Variants in NDUFV2 observed in about 807,000 individuals in gnomAD.
NDUFV2 encodes NADH:ubiquinone oxidoreductase core subunit V2, also known as NADH dehydrogenase [ubiquinone] flavoprotein 2, mitochondrial.
A neutral mutation model predicts 31.6 loss-of-function variants in NDUFV2; 18 were observed. The ratio of observed to expected loss-of-function variants is 0.57; its 90% CI spans 0.39 to 0.84. The LOEUF is 0.84. Ranked by LOEUF, NDUFV2 falls within the 40% of genes least tolerant of loss-of-function variation. The probability of loss-of-function intolerance (pLI) is 0.00; values close to 1 mark genes in which losing one functional copy is unlikely to be tolerated. For synonymous variants in NDUFV2, 83 were observed against 99.8 expected (o/e 0.83, Z 1.01); for missense variants, 314 against 303.6 (o/e 1.03, Z -0.26).
chr18:9,117,860 A>T lies in NDUFV2; in HGVS notation c.77A>T (p.His26Leu), dbSNP rs765537985. The change falls in exon 2 of 8, where the codon CAT (histidine) becomes CTT (leucine). Residue 26 changes from histidine to leucine, a missense_variant. His to Leu is a moderately conservative substitution (Grantham distance 99). Coordinates refer to ENST00000318388, the MANE Select transcript of NDUFV2 (RefSeq NM_021074.5). ...AHWGRHVRNL[H>L]KTVMQNGAGG... ...TAGGGAAGACATGTAAGGAATTTGC[A>T]TAAGACAGTTATGCAAAATGGAGCT... 2 of 1,600,270 alleles carry T rather than the reference A, an allele frequency of 1.2e-6. No individual in the cohort carries two copies. Among genetic ancestry groups the T allele is most frequent in the African/African-American group, 2.7e-5 (2 of 74,656 alleles).
rs534490648 is a variant in NDUFV2, at chr18:9,124,447, CT to C, written c.470-409del. On this transcript the variant is annotated intron_variant, in intron 5 of 7. Transcript: ENST00000318388. ...CTAGGATTTTTTTCTTTTTAAAAAA[CT>C]TTTTTTTTTTTTTTTTTGGAGATGG... Among the ~76,000 whole-genome samples the C allele has an allele frequency of 6.7e-3, 762 of 113,380 alleles. 2 individuals are homozygous for C. Among genetic ancestry groups the C allele is most frequent in the Middle Eastern group, 0.021 (3 of 144 alleles). 74.4% of individuals were successfully genotyped at this position (113,380 alleles called of 152,430 possible).
At chr18:9,122,766 C>A in intron 5 of NDUFV2, 85 bp downstream of exon 5, 1 of 1,359,912 alleles carries the variant, frequency 7.4e-7, no homozygotes. Context: ...AAATTTCCAA[C>A]TTCTGCCATC....
At chr18:9,117,999 T>C (rs2077907830) in intron 2 of NDUFV2, 96 bp downstream of exon 2, 1 of 811,124 alleles carries the variant, frequency 1.2e-6, no homozygotes, top group South Asian at 1.4e-5. Flanking sequence ...CCATTGTCTT[T>C]GATATATGAT....
rs566846436 is a variant in NDUFV2, at chr18:9,104,323, G to A, written c.54+1526G>A. The A allele has an allele frequency of 3.5e-5, 55 of 1,593,068 alleles. No individual in the cohort carries two copies. The South Asian group carries it at 6.0e-4, about 17-fold the overall frequency. On this transcript the variant is annotated intron_variant, in intron 1 of 7. Transcript: ENST00000318388. ...AAGAATTTGATTTTAGAGGCCGTCAGGAGTCAGTGAAAGGTTTTAAAGTAG... is the reference window on the plus strand; with the variant it reads ...AAGAATTTGATTTTAGAGGCCGTCAAGAGTCAGTGAAAGGTTTTAAAGTAG...
chr18:9,123,165 G>T (rs1338887719), intron 5 of NDUFV2, among the ~76,000 whole-genome samples: 1 of 152,010 alleles, frequency 6.6e-6, no homozygotes, highest in Non-Finnish European at 1.5e-5. Flanking sequence ...AAAAGTAAAT[G>T]GGCATTTTCC....
intron 4 of NDUFV2, among the ~76,000 whole-genome samples, chr18:9,120,826 A>G (rs984188002): frequency 6.6e-6 from 1 of 152,216 alleles, no homozygotes; most frequent in East Asian, 1.9e-4. Flanking sequence ...TGATTTAGGT[A>G]TATGTTTCTA....
intron 1 of NDUFV2, chr18:9,117,622 C>T (rs1005608100): frequency 3.6e-5 from 18 of 499,576 alleles, no homozygotes; most frequent in Non-Finnish European, 4.7e-5. Flanking sequence ...CCTATTGACT[C>T]GTGTGTGTGA....
chr18:9,131,270 A>G (rs1367698627), intron 7 of NDUFV2, among the ~76,000 whole-genome samples: 6 of 152,198 alleles, frequency 3.9e-5, no homozygotes, highest in Non-Finnish European at 7.4e-5. Flanking sequence ...CAGAGGTGGC[A>G]GAGGCTGAAG....
intron 1 of NDUFV2, among the ~76,000 whole-genome samples, chr18:9,107,296 T>C (rs1421005775): frequency 6.6e-6 from 1 of 152,226 alleles, no homozygotes; most frequent in Non-Finnish European, 1.5e-5. Context: ...TTGGGCACTG[T>C]TTAGTACCTT....
chr18:9,103,980 C>T (rs1263428109), intron 1 of NDUFV2: 2 of 575,946 alleles, frequency 3.5e-6, no homozygotes, highest in Non-Finnish European at 5.8e-6. Context: ...AGACAGTTCC[C>T]GTTCTTTTGG....
intron 4 of NDUFV2, chr18:9,121,332 A>T (rs2077933768): frequency 6.6e-6 from 1 of 152,174 alleles, no homozygotes; most frequent in East Asian, 1.9e-4. Context: ...AATTCCAGGA[A>T]GGAGTCTTTT....
chr18:9,107,092 A>C (rs561220661), intron 1 of NDUFV2, among the ~76,000 whole-genome samples: 1 of 152,294 alleles, frequency 6.6e-6, no homozygotes, highest in East Asian at 1.9e-4. Context: ...GGATGTGGTT[A>C]TCTTTGAGAG....
intron 1 of NDUFV2, chr18:9,104,087 T>G: frequency 6.4e-7 from 1 of 1,553,516 alleles, no homozygotes. Context: ...GGTTTCAAGG[T>G]GCATAAGATT....
chr18:9,117,741 A>G (rs889559671), intron 1 of NDUFV2, 97 bp from the exon 2 acceptor site: 6 of 736,612 alleles, frequency 8.1e-6, no homozygotes, highest in Non-Finnish European at 1.5e-5. Context: ...TTATAAGTTG[A>G]TTCCATTGTT....
chr18:9,103,440 A>G, intron 1 of NDUFV2: 1 of 283,842 alleles, frequency 3.5e-6, no homozygotes, highest in East Asian at 6.1e-5. Flanking sequence ...CATGGTAGGC[A>G]AGGAAATTGA....
chr18:9,118,718 T>C (rs576033723), intron 2 of NDUFV2, among the ~76,000 whole-genome samples: 58 of 152,228 alleles, frequency 3.8e-4, no homozygotes, highest in African/African-American at 1.3e-3. Context: ...TGCCATTTCT[T>C]GTCAGTTTTT....
At chr18:9,126,132 A>T (rs2077988498) in intron 6 of NDUFV2, among the ~76,000 whole-genome samples, 2 of 152,348 alleles carry the variant, frequency 1.3e-5, no homozygotes, top group Admixed American at 1.3e-4. Context: ...TGTGTGAAGC[A>T]TTGTTAAGTC....
At chr18:9,134,159 A>G (rs1340562412) in intron 7 of NDUFV2, 27 bp from the exon 8 acceptor site, 1 of 1,548,898 alleles carries the variant, frequency 6.5e-7, no homozygotes, top group Non-Finnish European at 8.9e-7. Flanking sequence ...TTAATCATTA[A>G]TAGTTTAATA....
chr18:9,119,303 G>T, intron 2 of NDUFV2, 23 bp from the exon 3 acceptor site: 1 of 1,598,618 alleles, frequency 6.3e-7, no homozygotes, highest in South Asian at 1.1e-5. Flanking sequence ...GGATAAGTCT[G>T]AAAAACTGTT....
Sources: gnomAD v4.1 joint callset for allele counts (sites outside exome capture counted in the v4.1 genomes callset) on GRCh38, gnomAD v4.1.1 for gene constraint, MANE v1.5 for transcripts, NCBI Gene and HGNC (gene_info 2026-07-23, HGNC 2026-07-21) for gene names.